Variants in ATP11A observed in about 807,000 individuals in gnomAD.
ATP11A encodes ATPase phospholipid transporting 11A.
Under a neutral mutation model 154.4 loss-of-function variants are expected in ATP11A, and 81 were observed. The observed-to-expected ratio is 0.52, with a 90% CI of 0.44 to 0.63. ATP11A has a LOEUF of 0.63. Ranked by LOEUF, ATP11A falls within the 30% of genes least tolerant of loss-of-function variation. The pLI is 0.00. For missense variants in ATP11A, 1,316 were observed against 1,474.3 expected (o/e 0.89, Z 1.76); for synonymous variants, 623 against 585.9 (o/e 1.06, Z -0.91).
At chr13:112,761,214 G>A (rs985944254) in intron 1 of ATP11A, among the ~76,000 whole-genome samples, 1 of 152,146 alleles carries the variant, frequency 6.6e-6, no homozygotes, top group Non-Finnish European at 1.5e-5. Flanking sequence ...TGGCCCCAAA[G>A]CACAAGAGCA....
At chr13:112,795,373 TC>T (rs2077973684) in intron 2 of ATP11A, among the ~76,000 whole-genome samples, 1 of 152,212 alleles carries the variant, frequency 6.6e-6, no homozygotes, top group African/African-American at 2.4e-5. Context: ...TACCAGAACT[TC>T]CTCGTGTAAC....
In ATP11A at chr13:112,754,297, T is replaced by G. The variant is rs2076764696; in HGVS notation, c.40-30838T>G. Among the ~76,000 whole-genome samples the G allele has an allele frequency of 6.6e-6, 1 of 152,098 alleles. No homozygotes were observed. The highest frequency in any genetic ancestry group is 1.5e-5 in the Non-Finnish European group (1 of 68,004). ...ATCTGCCCCTTAGTGCCTCGGCTGA[T>G]TCTTGGTCTTTGGAGACCTGGTCCC... On this transcript the variant is annotated intron_variant, in intron 1 of 29. Coordinates refer to ENST00000375645, the MANE Select transcript of ATP11A (RefSeq NM_015205.3). The surrounding 1 kb of genome is among the most constrained non-coding windows in gnomAD (Gnocchi z 5.3).
intron 1 of ATP11A, among the ~76,000 whole-genome samples, chr13:112,741,659 C>G (rs956660642): frequency 6.6e-6 from 1 of 152,134 alleles, no homozygotes; most frequent in Non-Finnish European, 1.5e-5. Flanking sequence ...CTCAGGGGCC[C>G]GTGCTCCTTA....
At chr13:112,756,886 C>G (rs938383063) in intron 1 of ATP11A, among the ~76,000 whole-genome samples, 1 of 151,228 alleles carries the variant, frequency 6.6e-6, no homozygotes, top group Non-Finnish European at 1.5e-5. Flanking sequence ...GCTCCCAGCA[C>G]GGGGCCTGCT....
At chr13:112,704,058 G>A (rs1450272731) in intron 1 of ATP11A, among the ~76,000 whole-genome samples, 2 of 152,182 alleles carry the variant, frequency 1.3e-5, no homozygotes, top group African/African-American at 4.8e-5. Context: ...CACTTGAAAT[G>A]CAGGTCAGAA....
Position 112,882,946 on chromosome 13 carries a change from G to A in ATP11A, c.*1080G>A, listed in dbSNP as rs1450528782. On this transcript the variant is annotated 3_prime_UTR_variant, in exon 30 of 30. Coordinates refer to ENST00000375645, the MANE Select transcript of ATP11A (RefSeq NM_015205.3). The surrounding 1 kb of genome is among the most constrained non-coding windows in gnomAD (Gnocchi z 5.1). ...CGGGTGGATCCCAACAGGCAGCACC[G>A]CACCTCTGCCCGCCTCCCGCACTGC... The A allele has an allele frequency of 1.3e-5, 5 of 399,104 alleles. No homozygotes were observed. Among genetic ancestry groups the A allele is most frequent in the East Asian group, 3.6e-5 (1 of 28,078 alleles). 24.7% of individuals were successfully genotyped at this position (399,104 alleles called of 1,614,324 possible). A position where few individuals can be genotyped will look rare whatever the true frequency, so the allele number is the denominator to read the frequency against.
At chr13:112,709,488 G>A (rs985364864) in intron 1 of ATP11A, among the ~76,000 whole-genome samples, 2 of 152,098 alleles carry the variant, frequency 1.3e-5, no homozygotes, top group Non-Finnish European at 2.9e-5. Flanking sequence ...CTGATAAAAA[G>A]CAATTTACAA....
intron 18 of ATP11A, among the ~76,000 whole-genome samples, chr13:112,853,661 G>A (rs1176391212): frequency 6.6e-6 from 1 of 152,192 alleles, no homozygotes; most frequent in Non-Finnish European, 1.5e-5. Flanking sequence ...TAGGTGTGGT[G>A]CTAGCGTCCT....
At chr13:112,845,584 T>C (rs111241563) in intron 17 of ATP11A, among the ~76,000 whole-genome samples, 91 of 84,394 alleles carry the variant, frequency 1.1e-3, no homozygotes, top group African/African-American at 5.6e-3. Context: ...CAGGCACTAG[T>C]GGTTCTAACC....
At chr13:112,839,093 G>A (rs1275522734) in intron 16 of ATP11A, among the ~76,000 whole-genome samples, 1 of 151,980 alleles carries the variant, frequency 6.6e-6, no homozygotes, top group Non-Finnish European at 1.5e-5. Context: ...TGCTTTCCTG[G>A]GATTCTCCAC....
chr13:112,829,454 G>A (rs2079032600), intron 12 of ATP11A, among the ~76,000 whole-genome samples: 1 of 152,180 alleles, frequency 6.6e-6, no homozygotes, highest in East Asian at 1.9e-4. Context: ...GCAAAATGAA[G>A]GACAAAACCA....
chr13:112,835,542 G>C (rs975772509), intron 15 of ATP11A, among the ~76,000 whole-genome samples: 1 of 152,208 alleles, frequency 6.6e-6, no homozygotes, highest in African/African-American at 2.4e-5. Context: ...AGGTAGTGAG[G>C]TCGTGGCCTA....
intron 17 of ATP11A, among the ~76,000 whole-genome samples, chr13:112,843,058 G>C (rs2079470680): frequency 6.6e-6 from 1 of 152,092 alleles, no homozygotes; most frequent in Admixed American, 6.5e-5. Flanking sequence ...TTAACTCCGG[G>C]TGATGCGTGG....
intron 26 of ATP11A, 65 bp from the exon 27 acceptor site, chr13:112,873,508 G>A (rs2080610676): frequency 7.8e-7 from 1 of 1,274,106 alleles, no homozygotes; most frequent in African/African-American, 1.5e-5. Context: ...TCTCTGTCCT[G>A]CCCATCACGA....
rs1236808650 is a variant in ATP11A at position 112,826,874 on chromosome 13, A to C, written c.1204A>C (p.Asn402His). 2.5e-6 allele frequency: 4 copies of C among 1,614,054 alleles called. No individual in the cohort carries two copies. The highest frequency in any genetic ancestry group is 3.4e-6 in the Non-Finnish European group (4 of 1,180,044). ...GCCTCTGGTGAACACGTCGGACCTCAATGAAGAGCTGGGACAGGTTGGTGT... is the reference window on the plus strand; with the variant it reads ...GCCTCTGGTGAACACGTCGGACCTCCATGAAGAGCTGGGACAGGTTGGTGT... Reference protein sequence around the residue: ...EGPLVNTSDLNEELGQVEYIF... With the variant: ...EGPLVNTSDLHEELGQVEYIF... The change falls in exon 12 of 30, where the codon AAT becomes CAT. Residue 402 changes from asparagine (N) to histidine (H), a missense_variant. Coordinates refer to ENST00000375645, the MANE Select transcript of ATP11A (RefSeq NM_015205.3).
chr13:112,708,745 C>T lies in ATP11A; in HGVS notation c.39+18290C>T, dbSNP rs570097385. 3.3e-5 allele frequency among the ~76,000 whole-genome samples: 5 copies of T among 152,270 alleles called. No homozygotes were observed. The South Asian group carries it at 8.3e-4, about 25-fold the overall frequency. On this transcript the variant is annotated intron_variant, in intron 1 of 29. Coordinates refer to ENST00000375645, the MANE Select transcript of ATP11A (RefSeq NM_015205.3). ...GGGCCCCACGTGGGCTGCGTGTGGCCCTGTGAGTTGGTCCCACCCCTGCCC... is the reference window on the plus strand; with the variant it reads ...GGGCCCCACGTGGGCTGCGTGTGGCTCTGTGAGTTGGTCCCACCCCTGCCC...
In ATP11A at chr13:112,874,604, C is replaced by T. The variant is rs533551970; in HGVS notation, c.3161+928C>T. On this transcript the variant is annotated intron_variant, in intron 27 of 29. Coordinates refer to ENST00000375645, the MANE Select transcript of ATP11A (RefSeq NM_015205.3). ...AGCCGGCCTAGGGAAAGCCAGCAAC[C>T]CACTCAGGATCCCTCAGGGCCCCTG... 1.1e-4 allele frequency among the ~76,000 whole-genome samples: 16 copies of T among 152,274 alleles called. No homozygotes were observed. The East Asian group carries it at 2.5e-3, about 24-fold the overall frequency.
intron 5 of ATP11A, 140 bp downstream of exon 5, chr13:112,810,866 C>T (rs887417256): frequency 2.4e-5 from 17 of 716,524 alleles, no homozygotes; most frequent in East Asian, 2.8e-5. Context: ...GCCTGGAAGT[C>T]GGAGGCCACT....
At position 112,875,266 on chromosome 13, in the gene ATP11A, A is replaced by G. The variant is rs559427268; in HGVS notation, c.3162-510A>G. Among the ~76,000 whole-genome samples, 122 of 152,220 alleles carry G rather than the reference A, an allele frequency of 8.0e-4. No individual in the cohort carries two copies. Among genetic ancestry groups the G allele is most frequent in the Non-Finnish European group, 1.2e-3 (84 of 68,050 alleles). The stretch of plus-strand genomic sequence containing the variant: ...CAGGAAACGTTACCGGAAGGCACGT[A>G]TAGACGTGGACCTGTGGGCTCGGGC... On this transcript the variant is annotated intron_variant, in intron 27 of 29. Transcript: ENST00000375645. The surrounding 1 kb of genome is among the most constrained non-coding windows in gnomAD (Gnocchi z 4.1).
Sources: gnomAD v4.1 joint callset for allele counts (sites outside exome capture counted in the v4.1 genomes callset) on GRCh38, gnomAD v4.1.1 for gene constraint, Gnocchi (gnomAD v3.1) non-coding constraint, MANE v1.5 for transcripts, NCBI Gene and HGNC (gene_info 2026-07-23, HGNC 2026-07-21) for gene names.